The following AIG1 variants were observed in gnomAD, a reference collection of about 807,000 sequenced individuals.
AIG1 encodes androgen-induced gene 1 protein.
AIG1 carries 23 observed loss-of-function variants against 31.4 expected under a neutral mutation model. The ratio of observed to expected loss-of-function variants is 0.73; its 90% CI spans 0.53 to 1.04. AIG1 has a LOEUF of 1.04. Among genes scored for constraint, AIG1 ranks in the 50% least tolerant of loss-of-function variants. The probability of loss-of-function intolerance (pLI) is 0.00; values close to 1 mark genes in which losing one functional copy is unlikely to be tolerated. For synonymous variants in AIG1, 100 were observed against 110.5 expected (o/e 0.90, Z 0.60); for missense variants, 274 against 295.0 (o/e 0.93, Z 0.52).
intron 4 of AIG1, among the ~76,000 whole-genome samples, chr6:143,312,563 A>G (rs1339919891): frequency 6.6e-6 from 1 of 152,142 alleles, no homozygotes; most frequent in Non-Finnish European, 1.5e-5. Flanking sequence ...TCAAATCAAA[A>G]TAGATTAAAG....
intron 1 of AIG1, among the ~76,000 whole-genome samples, chr6:143,098,148 T>C (rs373069672): frequency 6.6e-6 from 1 of 152,158 alleles, no homozygotes; most frequent in African/African-American, 2.4e-5. Context: ...GCAAAACTCC[T>C]TGGAAGAAGT....
chr6:143,182,582 C>A (rs1788834593), intron 3 of AIG1, among the ~76,000 whole-genome samples: 2 of 152,314 alleles, frequency 1.3e-5, no homozygotes, highest in Admixed American at 6.5e-5. Context: ...CCATACTCCC[C>A]ACTCACTGAA....
intron 1 of AIG1, among the ~76,000 whole-genome samples, chr6:143,105,586 C>T (rs1413468458): frequency 2.0e-5 from 3 of 152,178 alleles, no homozygotes; most frequent in African/African-American, 4.8e-5. Context: ...AAAATGTGTC[C>T]ACAAGCACAG....
At chr6:143,189,293 C>A in intron 3 of AIG1, 1 of 579,770 alleles carries the variant, frequency 1.7e-6, no homozygotes, top group Non-Finnish European at 2.2e-6. Flanking sequence ...GTTTCCCAGG[C>A]TGGTCTCGAA....
chr6:143,148,817 T>A (rs1400520733), intron 2 of AIG1, among the ~76,000 whole-genome samples: 2 of 149,496 alleles, frequency 1.3e-5, no homozygotes, highest in Non-Finnish European at 3.0e-5. Context: ...TGACTATGTC[T>A]CCAAAAAAAA....
chr6:143,118,335 T>C (rs1781915145), intron 1 of AIG1, among the ~76,000 whole-genome samples: 1 of 152,028 alleles, frequency 6.6e-6, no homozygotes, highest in Non-Finnish European at 1.5e-5. Context: ...GGCAGGTGCC[T>C]GTAGTCCCAG....
At chr6:143,318,329 A>G (rs1408677441) in intron 4 of AIG1, among the ~76,000 whole-genome samples, 1 of 152,102 alleles carries the variant, frequency 6.6e-6, no homozygotes, top group Non-Finnish European at 1.5e-5. Flanking sequence ...AATAAAGCCA[A>G]ATACTTACAG....
intron 3 of AIG1, among the ~76,000 whole-genome samples, chr6:143,210,215 G>C (rs1376569488): frequency 1.3e-5 from 2 of 152,170 alleles, no homozygotes; most frequent in Non-Finnish European, 2.9e-5. Flanking sequence ...TTCCACTTCT[G>C]CCATGATTGT....
rs1385713132 is a variant in AIG1 at position 143,330,493 on chromosome 6, CA to C, written c.516-2787del. Reference sequence around the variant, plus strand: ...AGAGCTTAGAGTGTTCGAGGAACACCAAGGAGTTGATGGGCTGGAGTGGCGG... The same window carrying C: ...AGAGCTTAGAGTGTTCGAGGAACACCAGGAGTTGATGGGCTGGAGTGGCGG... On this transcript the variant is annotated intron_variant, in intron 4 of 5. Transcript: ENST00000357847. This position sits in a 1 kb window ranked among gnomAD's most constrained non-coding sequence, Gnocchi z 4.4. Among the ~76,000 whole-genome samples, 5 of 151,898 alleles carry C rather than the reference CA, an allele frequency of 3.3e-5. No individual in the cohort carries two copies. Among genetic ancestry groups the C allele is most frequent in the Non-Finnish European group, 7.4e-5 (5 of 67,970 alleles).
chr6:143,340,219 C>T lies in AIG1; in HGVS notation c.*543C>T, dbSNP rs1269833112. ...ATAATGATGTCAATTTCATGAAAAG[C>T]CTGAGTGTATTGCATCTCTTGATTT... On this transcript the variant is annotated 3_prime_UTR_variant, in exon 6 of 6. Coordinates refer to ENST00000357847, the MANE Select transcript of AIG1 (RefSeq NM_016108.4). The T allele has an allele frequency of 1.3e-5, 2 of 152,200 alleles. No individual in the cohort carries two copies. Among genetic ancestry groups the T allele is most frequent in the Non-Finnish European group, 2.9e-5 (2 of 68,116 alleles). The allele number at this position is 152,200 out of a possible 1,614,324, so 9.4% of individuals were successfully genotyped here.
intron 3 of AIG1, chr6:143,189,559 TG>T: frequency 1.0e-6 from 1 of 985,478 alleles, no homozygotes; most frequent in Non-Finnish European, 1.2e-6. Flanking sequence ...TGCCTGTATT[TG>T]GTAAGTTTGC....
At chr6:143,312,953 G>T (rs887247743) in intron 4 of AIG1, among the ~76,000 whole-genome samples, 1 of 152,036 alleles carries the variant, frequency 6.6e-6, no homozygotes, top group Admixed American at 6.6e-5. Flanking sequence ...TATAGGAAAA[G>T]GTGCTCAACA....
At chr6:143,145,781 G>A (rs1176392031) in intron 2 of AIG1, among the ~76,000 whole-genome samples, 1 of 152,142 alleles carries the variant, frequency 6.6e-6, no homozygotes, top group Non-Finnish European at 1.5e-5. Flanking sequence ...TGTAAAATAA[G>A]TAAAAACTAG....
chr6:143,257,820 G>A (rs1402260540), intron 3 of AIG1, among the ~76,000 whole-genome samples: 1 of 152,156 alleles, frequency 6.6e-6, no homozygotes, highest in Non-Finnish European at 1.5e-5. Context: ...AGAAATATAA[G>A]TCATGAGTTC....
intron 1 of AIG1, among the ~76,000 whole-genome samples, chr6:143,135,904 A>G (rs1273815260): frequency 6.6e-6 from 1 of 152,216 alleles, no homozygotes; most frequent in African/African-American, 2.4e-5. Flanking sequence ...ATTTTCCTGA[A>G]TCTATCCTTG....
intron 3 of AIG1, among the ~76,000 whole-genome samples, chr6:143,206,640 A>G (rs1791129805): frequency 6.6e-6 from 1 of 152,222 alleles, no homozygotes; most frequent in South Asian, 2.1e-4. Context: ...TTAACCCTCT[A>G]CAACTTGTGA....
chr6:143,324,434 T>C (rs1776448229), intron 4 of AIG1, among the ~76,000 whole-genome samples: 1 of 152,230 alleles, frequency 6.6e-6, no homozygotes, highest in South Asian at 2.1e-4. Context: ...GGAGATTTTA[T>C]ACTTAGATCA....
At chr6:143,164,171 TG>T (rs1786695229) in intron 2 of AIG1, among the ~76,000 whole-genome samples, 1 of 152,230 alleles carries the variant, frequency 6.6e-6, no homozygotes, top group Non-Finnish European at 1.5e-5. Context: ...TTTTCCATTT[TG>T]TAGCATTTTT....
intron 3 of AIG1, among the ~76,000 whole-genome samples, chr6:143,218,076 A>G (rs1792174273): frequency 6.6e-6 from 1 of 152,220 alleles, no homozygotes; most frequent in African/African-American, 2.4e-5. Flanking sequence ...GCATCGTCTC[A>G]TTTGCGAATT....
Sources: gnomAD v4.1 joint callset for allele counts (sites outside exome capture counted in the v4.1 genomes callset) on GRCh38, gnomAD v4.1.1 for gene constraint, Gnocchi (gnomAD v3.1) non-coding constraint, MANE v1.5 for transcripts, NCBI Gene and HGNC (gene_info 2026-07-23, HGNC 2026-07-21) for gene names.